The following VWF variants were observed in gnomAD, a reference collection of about 807,000 sequenced individuals.
VWF encodes Factor VIII related antigen.
In VWF, 176 loss-of-function variants were observed where a neutral mutation model predicts 308.6. That is an observed-to-expected ratio of 0.57 (90% CI 0.50 to 0.65). The LOEUF (loss-of-function observed/expected upper bound fraction) is 0.65. Among genes scored for constraint, VWF ranks in the 30% least tolerant of loss-of-function variants. The probability of loss-of-function intolerance (pLI) is 0.00; values close to 1 mark genes in which losing one functional copy is unlikely to be tolerated. For missense variants in VWF, 3,146 were observed against 3,648.2 expected (o/e 0.86, Z 3.55); for synonymous variants, 1,385 against 1,443.4 (o/e 0.96, Z 0.92).
intron 51 of VWF, 110 bp downstream of exon 51, chr12:5,949,676 T>A (rs1043056447): frequency 2.5e-6 from 3 of 1,178,478 alleles, no homozygotes; most frequent in Non-Finnish European, 3.8e-6. Context: ...TTATTTCCCT[T>A]CTCTTCCCTG....
Position 6,039,613 on chromosome 12 carries a change from A to G in VWF, c.2443-3122T>C, listed in dbSNP as rs147992775. On this transcript the variant is annotated intron_variant, in intron 18 of 51. Transcript: ENST00000261405. Reference sequence around the variant, plus strand: ...TTTAAACCTCTCGCTTGTTAACCAAAATGAATTTTTGCTTATTATATTTCA... The same window carrying G: ...TTTAAACCTCTCGCTTGTTAACCAAGATGAATTTTTGCTTATTATATTTCA... 2.4e-3 allele frequency among the ~76,000 whole-genome samples: 360 copies of G among 152,274 alleles called. 2 individuals are homozygous for G. Among genetic ancestry groups the G allele is most frequent in the African/African-American group, 8.6e-3 (357 of 41,564 alleles).
Position 6,019,004 on chromosome 12 carries a change from C to T in VWF, c.4414G>A (p.Asp1472Asn), listed in dbSNP as rs1800383. The change falls in exon 28 of 52, where the codon GAC (aspartate) becomes AAC (asparagine). Residue 1472 changes from aspartate (D) to asparagine (N), a missense_variant. By Grantham distance (23) the Asp-to-Asn change is conservative. This residue lies in a region of VWF where 853 missense variants were observed against 1,177.8 expected (regional missense o/e 0.72). Coordinates refer to ENST00000261405, the MANE Select transcript of VWF (RefSeq NM_000552.5). This position sits in a 1 kb window ranked among gnomAD's most constrained non-coding sequence, Gnocchi z 5.8. ...PEAPPPTLPP[D>N]MAQVTVGPGL... ...GGGCCCACAGTGACTTGTGCCATGT[C>T]GGGGGGCAGAGTAGGAGGAGGGGCT... 31 of 1,613,334 alleles carry T rather than the reference C, an allele frequency of 1.9e-5. No individual in the cohort carries two copies. Among genetic ancestry groups the T allele is most frequent in the African/African-American group, 4.0e-5 (3 of 74,788 alleles).
chr12:6,006,174 G>T (rs1453719087), intron 34 of VWF, among the ~76,000 whole-genome samples: 1 of 152,136 alleles, frequency 6.6e-6, no homozygotes, highest in Non-Finnish European at 1.5e-5. Flanking sequence ...GTTGTTATAA[G>T]CTTAGAATAG....
At chr12:6,099,340 A>C (rs1053439726) in intron 5 of VWF, among the ~76,000 whole-genome samples, 4 of 151,550 alleles carry the variant, frequency 2.6e-5, no homozygotes, top group South Asian at 4.2e-4. Flanking sequence ...AAAAAAAAAA[A>C]ACCAAGGAAG....
rs548929810 is a variant in VWF, at chr12:6,019,430, C to T, written c.3988G>A (p.Gly1330Arg). 1.5e-5 allele frequency: 25 copies of T among 1,613,900 alleles called. No individual in the cohort carries two copies. In the African/African-American group the frequency reaches 1.7e-4, roughly 11 times the overall value. Residue 1330 changes from glycine to arginine, a missense_variant, in exon 28 of 52, where the codon GGG (glycine) becomes AGG (arginine). Gly to Arg is a moderately radical substitution (Grantham distance 125). Coordinates refer to ENST00000261405, the MANE Select transcript of VWF (RefSeq NM_000552.5). The surrounding 1 kb of genome is among the most constrained non-coding windows in gnomAD (Gnocchi z 5.8). Reference protein sequence around the residue: ...EYHDGSHAYIGLKDRKRPSEL... With the variant: ...EYHDGSHAYIRLKDRKRPSEL... Reference sequence around the variant, plus strand: ...GACGGTCGCTTCCGGTCCTTGAGCCCGATGTAGGCGTGGGAGCCGTCGTGG... The same window carrying T: ...GACGGTCGCTTCCGGTCCTTGAGCCTGATGTAGGCGTGGGAGCCGTCGTGG...
intron 5 of VWF, among the ~76,000 whole-genome samples, chr12:6,104,158 C>A (rs527879702): frequency 7.9e-5 from 12 of 152,046 alleles, no homozygotes; most frequent in African/African-American, 2.4e-4. Flanking sequence ...AAATATCTGA[C>A]AGGAATGTGA....
At position 6,057,311 on chromosome 12, in the gene VWF, A is replaced by AT. The variant is rs1250165048; in HGVS notation, c.1730-240dup. The stretch of plus-strand genomic sequence containing the variant: ...AAGGTCGAAGGACGGGGACTATGGA[A>AT]TTTTTTTTTTTTTTTTTTGGAGAGA... On this transcript the variant is annotated intron_variant, in intron 14 of 51. Coordinates refer to ENST00000261405, the MANE Select transcript of VWF (RefSeq NM_000552.5). Among the ~76,000 whole-genome samples, 1,074 of 129,384 alleles carry AT rather than the reference A, an allele frequency of 8.3e-3. 22 individuals carry two copies. Among genetic ancestry groups the AT allele is most frequent in the East Asian group, 0.034 (160 of 4,668 alleles). The allele number at this position is 129,384 out of a possible 152,430, so 84.9% of individuals were successfully genotyped here.
chr12:6,098,865 G>A (rs143793938), intron 5 of VWF, among the ~76,000 whole-genome samples: 186 of 152,200 alleles, frequency 1.2e-3, no homozygotes, highest in Non-Finnish European at 2.0e-3. Context: ...TGTTGAAGTC[G>A]GGGCAAGGGT....
chr12:6,043,949 C>T (rs745409043), intron 18 of VWF, among the ~76,000 whole-genome samples: 16 of 152,258 alleles, frequency 1.1e-4, no homozygotes, highest in Admixed American at 2.0e-4. Context: ...GCATGGAAGG[C>T]GGCCCCTGGG....
At chr12:6,067,627 T>A (rs1465719409) in intron 10 of VWF, among the ~76,000 whole-genome samples, 1 of 152,108 alleles carries the variant, frequency 6.6e-6, no homozygotes, top group African/African-American at 2.4e-5. Context: ...AGGTAGCCGT[T>A]AGCCACGGGA....
chr12:6,028,962 T>G (rs1325382523), intron 22 of VWF, among the ~76,000 whole-genome samples: 1 of 152,138 alleles, frequency 6.6e-6, no homozygotes, highest in Non-Finnish European at 1.5e-5. Flanking sequence ...AGGCACAGAC[T>G]GGCCAATTGG....
chr12:6,002,774 T>C (rs1205429215), intron 34 of VWF, among the ~76,000 whole-genome samples: 4 of 152,164 alleles, frequency 2.6e-5, no homozygotes, highest in African/African-American at 9.7e-5. Context: ...GCTCCATAAA[T>C]TGTTCCAGAG....
In VWF at chr12:6,075,863, G is replaced by C. The variant is rs12310690; in HGVS notation, c.658-312C>G. Among the ~76,000 whole-genome samples, 25,630 of 152,198 alleles carry C rather than the reference G, an allele frequency of 0.17. 3,001 individuals are homozygous for C. The highest frequency in any genetic ancestry group is 0.33 in the African/African-American group (13,703 of 41,468). ...GACAGAGGATGGAGAGAAGCACAAAGAGCATGCGCCCTGGAGTTGGCCTGG... is the reference window on the plus strand; with the variant it reads ...GACAGAGGATGGAGAGAAGCACAAACAGCATGCGCCCTGGAGTTGGCCTGG... On this transcript the variant is annotated intron_variant, in intron 6 of 51. Transcript: ENST00000261405. The surrounding 1 kb of genome is among the most constrained non-coding windows in gnomAD (Gnocchi z 4.7).
intron 10 of VWF, among the ~76,000 whole-genome samples, chr12:6,069,669 C>T (rs995411757): frequency 3.9e-5 from 6 of 152,132 alleles, no homozygotes; most frequent in African/African-American, 1.4e-4. Flanking sequence ...ATGGTCAGAG[C>T]CAGGGCTTTG....
In VWF at chr12:5,985,676, A is replaced by G. The variant is rs756652583; in HGVS notation, c.6799-11T>C. 4 of 1,612,892 alleles carry G rather than the reference A, an allele frequency of 2.5e-6. No individual in the cohort carries two copies. Among genetic ancestry groups the G allele is most frequent in the Non-Finnish European group, 3.4e-6 (4 of 1,179,006 alleles). On this transcript the variant is annotated splice_polypyrimidine_tract_variant and intron_variant, in intron 38 of 51. Coordinates refer to ENST00000261405, the MANE Select transcript of VWF (RefSeq NM_000552.5). ...CCAGGCTTCCAGGAACTGAGGGCAAAGCGAGGTTCAGAAAGGGCACAGGAC... is the reference window on the plus strand; with the variant it reads ...CCAGGCTTCCAGGAACTGAGGGCAAGGCGAGGTTCAGAAAGGGCACAGGAC...
intron 3 of VWF, among the ~76,000 whole-genome samples, chr12:6,112,609 T>G (rs1478809729): frequency 6.6e-6 from 1 of 152,066 alleles, no homozygotes; most frequent in Admixed American, 6.5e-5. Context: ...CTAGAAGGGA[T>G]AGGGGAGTGT....
intron 44 of VWF, 30 bp downstream of exon 44, chr12:5,971,569 C>T (rs1565814064): frequency 1.3e-6 from 2 of 1,593,308 alleles, no homozygotes; most frequent in African/African-American, 1.3e-5. Context: ...CCAATCTGCC[C>T]TCCTCCCCGT....
rs111597150 is a variant in VWF, at chr12:5,983,151, G to T, written c.7080C>A (p.Cys2360Ter). Residue 2360 changes from cysteine (C) to a stop codon, truncating the protein, a stop_gained and splice_region_variant, in exon 41 of 52, where the codon TGC (cysteine) becomes TGA (stop). Coordinates refer to ENST00000261405, the MANE Select transcript of VWF (RefSeq NM_000552.5). LOFTEE classifies it high-confidence loss of function. ...NPGECRPNFT[C>*]ACRKEECKRV... is the part of the protein sequence containing the mutation. ...CCTCCTCATCCACAGAGGCCTTACC[G>T]CAGGTGAAGTTGGGTCTGCACTCGC... 6.2e-7 allele frequency: 1 copy of T among 1,613,398 alleles called. No homozygotes were observed. The highest frequency in any genetic ancestry group is 8.5e-7 in the Non-Finnish European group (1 of 1,179,700).
rs969700728 is a variant in VWF at position 5,976,270 on chromosome 12, T to A, written c.7288-10A>T. 4 of 1,613,974 alleles carry A rather than the reference T, an allele frequency of 2.5e-6. No individual in the cohort carries two copies. The highest frequency in any genetic ancestry group is 1.1e-5 in the South Asian group (1 of 91,080). On this transcript the variant is annotated splice_polypyrimidine_tract_variant and intron_variant, in intron 42 of 51. Transcript: ENST00000261405. ...TTCGGTGGACACACACCTGTAGACA[T>A]AAGTTTTCGTGAGTGAACTCATTTG... is the stretch of plus-strand genomic sequence containing the variant.
Sources: allele counts gnomAD v4.1 joint callset (sites outside exome capture counted in the v4.1 genomes callset), GRCh38; gene constraint gnomAD v4.1.1; regional missense constraint gnomAD v4.1.1; non-coding constraint Gnocchi (gnomAD v3.1); transcripts MANE v1.5; gene names NCBI Gene and HGNC (gene_info 2026-07-23, HGNC 2026-07-21).